MCTP2: variants seen among roughly 807,000 people sequenced by gnomAD.
MCTP2 encodes the protein multiple C2 and transmembrane domain-containing protein 2.
A neutral mutation model predicts 111.6 loss-of-function variants in MCTP2; 132 were observed. The ratio of observed to expected loss-of-function variants is 1.18; its 90% confidence interval spans 1.03 to 1.37. MCTP2 has a LOEUF of 1.37. Among genes scored for constraint, MCTP2 ranks in the 40% most tolerant of loss-of-function variants. The pLI, the probability that MCTP2 is intolerant of heterozygous loss-of-function variation, is 0.00. For synonymous variants in MCTP2, 395 were observed against 387.7 expected (o/e 1.02, Z -0.22); for missense variants, 1,183 against 1,067.9 (o/e 1.11, Z -1.50).
At chr15:94,282,263 C>G (rs139924418) in intron 1 of MCTP2, among the ~76,000 whole-genome samples, 84 of 152,250 alleles carry the variant, frequency 5.5e-4, no homozygotes, top group African/African-American at 1.7e-3. Context: ...TTTTCTTTAT[C>G]TTTGTCTGCC....
At chr15:94,419,228 A>G (rs2082511984) in intron 17 of MCTP2, among the ~76,000 whole-genome samples, 2 of 152,194 alleles carry the variant, frequency 1.3e-5, no homozygotes, top group Non-Finnish European at 2.9e-5. Context: ...GCCAGACACC[A>G]AGTCTGATAT....
At chr15:94,391,595 G>A (rs16949068) in intron 14 of MCTP2, among the ~76,000 whole-genome samples, 2,843 of 152,220 alleles carry the variant, frequency 0.019, 77 homozygotes, top group African/African-American at 0.04. Flanking sequence ...CAAGTGGGGC[G>A]AAAATGGTCA....
At chr15:94,345,069 A>G in intron 7 of MCTP2, 60 bp from the exon 8 acceptor site, 3 of 1,570,864 alleles carry the variant, frequency 1.9e-6, no homozygotes, top group Non-Finnish European at 2.6e-6. Context: ...ATTGATAATG[A>G]TTCTATCTTC....
At chr15:94,349,452 T>C (rs977916488) in intron 8 of MCTP2, among the ~76,000 whole-genome samples, 2 of 151,950 alleles carry the variant, frequency 1.3e-5, no homozygotes, top group African/African-American at 4.8e-5. Flanking sequence ...GTAAGAGAAA[T>C]GAGAATTAGT....
chr15:94,387,668 C>T (rs980480442), intron 14 of MCTP2, among the ~76,000 whole-genome samples: 12 of 152,272 alleles, frequency 7.9e-5, no homozygotes, highest in Admixed American at 5.9e-4. Context: ...GAGGGAGGCT[C>T]CCTCCTCTCT....
intron 17 of MCTP2, among the ~76,000 whole-genome samples, chr15:94,419,167 G>T (rs2082509011): frequency 6.6e-6 from 1 of 152,024 alleles, no homozygotes; most frequent in Non-Finnish European, 1.5e-5. Flanking sequence ...GGCCAGATGG[G>T]GTTATACCCA....
chr15:94,369,394 G>A (rs1377918361), intron 11 of MCTP2, among the ~76,000 whole-genome samples: 2 of 152,152 alleles, frequency 1.3e-5, no homozygotes, highest in Non-Finnish European at 2.9e-5. Flanking sequence ...GGAGAAGAGA[G>A]TTTATCTGCC....
chr15:94,406,855 G>GT (rs1491113750), intron 17 of MCTP2, among the ~76,000 whole-genome samples: 3,895 of 132,554 alleles, frequency 0.029, 185 homozygotes, highest in African/African-American at 0.11. Context: ...GGACTTTTCA[G>GT]TTGTTTTTTT....
chr15:94,292,253 G>A (rs900590080), intron 1 of MCTP2, among the ~76,000 whole-genome samples: 1 of 152,106 alleles, frequency 6.6e-6, no homozygotes, highest in Non-Finnish European at 1.5e-5. Flanking sequence ...GGAAAAAAAA[G>A]AATATGCATT....
chr15:94,313,627 G>A (rs1025179637), intron 2 of MCTP2, among the ~76,000 whole-genome samples: 6 of 152,092 alleles, frequency 3.9e-5, no homozygotes, highest in African/African-American at 1.2e-4. Context: ...CTTGAACTCA[G>A]GAGGTGGAGG....
chr15:94,289,404 T>C (rs972503580), intron 1 of MCTP2, among the ~76,000 whole-genome samples: 9 of 152,238 alleles, frequency 5.9e-5, no homozygotes, highest in Admixed American at 3.9e-4. Context: ...GTGAAAAATA[T>C]ATTCTCAGAT....
At chr15:94,420,536 A>C (rs748673670) in intron 17 of MCTP2, among the ~76,000 whole-genome samples, 29 of 152,146 alleles carry the variant, frequency 1.9e-4, no homozygotes, top group Non-Finnish European at 3.1e-4. Context: ...CATTAACACG[A>C]GTTTAGAAGG....
intron 1 of MCTP2, among the ~76,000 whole-genome samples, chr15:94,254,013 T>C (rs1285298883): frequency 6.6e-6 from 1 of 152,182 alleles, no homozygotes; most frequent in South Asian, 2.1e-4. Flanking sequence ...TATGTGTACA[T>C]AGAGGATGAG....
intron 4 of MCTP2, among the ~76,000 whole-genome samples, chr15:94,338,419 A>T (rs1299056812): frequency 6.6e-6 from 1 of 151,652 alleles, no homozygotes; most frequent in East Asian, 1.9e-4. Context: ...TATTCCAAGC[A>T]TTGTATCATG....
At chr15:94,471,691 A>G (rs189465624) in intron 21 of MCTP2, among the ~76,000 whole-genome samples, 21 of 152,152 alleles carry the variant, frequency 1.4e-4, no homozygotes, top group Admixed American at 3.9e-4. Flanking sequence ...TGGCAACAAT[A>G]ATAGCAAATT....
At chr15:94,265,943 AGTATTTTCGTCTGTGTTTTGACTATT>A (rs2073496891) in intron 1 of MCTP2, among the ~76,000 whole-genome samples, 1 of 152,208 alleles carries the variant, frequency 6.6e-6, no homozygotes, top group Non-Finnish European at 1.5e-5. Context: ...CCACAATTTC[AGTATTTTCGTCTGTGTTTTGACTATT>A]GTCTTCAGTC....
intron 1 of MCTP2, among the ~76,000 whole-genome samples, chr15:94,243,891 A>G (rs1363485344): frequency 6.9e-6 from 1 of 145,294 alleles, no homozygotes; most frequent in Admixed American, 6.8e-5. Flanking sequence ...ATGTACACAT[A>G]TATGTATACA....
intron 4 of MCTP2, among the ~76,000 whole-genome samples, chr15:94,337,580 C>T (rs776330709): frequency 2.0e-4 from 29 of 146,432 alleles, no homozygotes; most frequent in African/African-American, 6.4e-4. Context: ...AGGGGGTGGG[C>T]GACTGTACTC....
At chr15:94,402,453 A>G in intron 17 of MCTP2, 1 of 1,551,298 alleles carries the variant, frequency 6.4e-7, no homozygotes, top group Non-Finnish European at 8.7e-7. Context: ...CAGTTGGGAC[A>G]TACTGATCAT....
Sources: allele counts gnomAD v4.1 joint callset (sites outside exome capture counted in the v4.1 genomes callset), GRCh38; gene constraint gnomAD v4.1.1; transcripts MANE v1.5; gene names NCBI Gene and HGNC (gene_info 2026-07-23, HGNC 2026-07-21).